The following GRM5 variants were observed in gnomAD, a reference collection of about 807,000 sequenced individuals.
The protein encoded by GRM5 is glutamate metabotropic receptor 5, also known as metabotropic glutamate receptor 5.
In GRM5, 19 loss-of-function variants were observed where a neutral mutation model predicts 83.1. That is an observed-to-expected ratio of 0.23 (90% confidence interval 0.16 to 0.34). The LOEUF is 0.34. Among genes scored for constraint, GRM5 ranks in the 10% least tolerant of loss-of-function variants. GRM5 has a pLI of 1.00. For missense variants in GRM5, 1,160 were observed against 1,588.3 expected (o/e 0.73, Z 4.58); for synonymous variants, 675 against 633.6 (o/e 1.07, Z -0.98).
At chr11:88,589,454 A>G (rs1180272183) in intron 7 of GRM5, among the ~76,000 whole-genome samples, 1 of 152,136 alleles carries the variant, frequency 6.6e-6, no homozygotes, top group Non-Finnish European at 1.5e-5. Context: ...ATACATACCA[A>G]TCACCAAAGA....
chr11:88,776,218 C>T (rs1184647830), intron 3 of GRM5, among the ~76,000 whole-genome samples: 1 of 152,094 alleles, frequency 6.6e-6, no homozygotes, highest in African/African-American at 2.4e-5. Flanking sequence ...CTCCTTTGAT[C>T]TTTGTGGGTT....
At chr11:88,732,573 A>G (rs914114479) in intron 3 of GRM5, among the ~76,000 whole-genome samples, 1 of 152,054 alleles carries the variant, frequency 6.6e-6, no homozygotes, top group African/African-American at 2.4e-5. Context: ...GGACACTTGA[A>G]TTTAGAGAAA....
chr11:88,910,348 T>A lies in GRM5; in HGVS notation c.662-60193A>T, dbSNP rs1317891212. 9.2e-5 allele frequency among the ~76,000 whole-genome samples: 14 copies of A among 152,102 alleles called. No homozygotes were observed. In the South Asian group the frequency reaches 2.9e-3, roughly 31 times the overall value. On this transcript the variant is annotated intron_variant, in intron 2 of 9. Coordinates refer to ENST00000305447, the MANE Select transcript of GRM5 (RefSeq NM_001143831.3). ...GATGAACACCAAGTTTATTTGGCTA[T>A]CATAAGTAATGTTTTTATGAACATT... is the stretch of plus-strand genomic sequence containing the variant.
Position 88,845,879 on chromosome 11 carries a change from A to G in GRM5, c.911+4027T>C, listed in dbSNP as rs759803063. On this transcript the variant is annotated intron_variant, in intron 3 of 9. Transcript: ENST00000305447. ...GAAAATGACTGAATTTGGAATAGAC[A>G]TTCTTGCTACATGTAAAGATAAAGA... Among the ~76,000 whole-genome samples, 79 of 152,248 alleles carry G rather than the reference A, an allele frequency of 5.2e-4. 2 individuals are homozygous for G. Among genetic ancestry groups the G allele is most frequent in the Non-Finnish European group, 8.8e-5 (6 of 68,046 alleles).
rs201996144 is a variant in GRM5 at position 88,902,950 on chromosome 11, CAAAA to C, written c.662-52799_662-52796del. 9.7e-5 allele frequency among the ~76,000 whole-genome samples: 6 copies of C among 61,902 alleles called. No homozygotes were observed. The South Asian group carries it at 2.4e-3, about 25-fold the overall frequency. 40.6% of individuals were successfully genotyped at this position (61,902 alleles called of 152,430 possible). A position where few individuals can be genotyped will look rare whatever the true frequency, so the allele number is the denominator to read the frequency against. ...TGGGCGACAGACCAAGACTCCATCT[CAAAA>C]AAAAAAAAAAAAAAAAAAAAAAAAA... On this transcript the variant is annotated intron_variant, in intron 2 of 9. Coordinates refer to ENST00000305447, the MANE Select transcript of GRM5 (RefSeq NM_001143831.3).
chr11:88,634,410 A>G (rs988303303), intron 4 of GRM5, among the ~76,000 whole-genome samples: 4 of 152,122 alleles, frequency 2.6e-5, no homozygotes, highest in Non-Finnish European at 5.9e-5. Flanking sequence ...CACATTGTAT[A>G]GCTGCACAAA....
At chr11:89,015,064 T>A (rs889057284) in intron 2 of GRM5, among the ~76,000 whole-genome samples, 1 of 152,184 alleles carries the variant, frequency 6.6e-6, no homozygotes, top group Non-Finnish European at 1.5e-5. Context: ...CATGGTTTCA[T>A]TGAAAGAGCA....
chr11:88,524,190 T>TTTTCTTTCTTTCTTTC lies in GRM5; in HGVS notation c.2726+1103_2726+1118dup, dbSNP rs1232518039. 1.9e-3 allele frequency: 212 copies of TTTTCTTTCTTTCTTTC among 112,938 alleles called. 3 individuals are homozygous for TTTTCTTTCTTTCTTTC. The highest frequency in any genetic ancestry group is 9.1e-3 in the South Asian group (36 of 3,960). 7.0% of individuals were successfully genotyped at this position (112,938 alleles called of 1,614,324 possible). A position where few individuals can be genotyped will look rare whatever the true frequency, so the allele number is the denominator to read the frequency against. On this transcript the variant is annotated intron_variant, in intron 9 of 9. Transcript: ENST00000305447. ...AGGGCCCTTTTCTTTTCTTTTTTCT[T>TTTTCTTTCTTTCTTTC]TTTCTTTCTTTCTTTCTTTCTTTCT...
chr11:88,942,257 A>T (rs1305168742), intron 2 of GRM5, among the ~76,000 whole-genome samples: 1 of 152,066 alleles, frequency 6.6e-6, no homozygotes, highest in African/African-American at 2.4e-5. Context: ...ATGTCATGAC[A>T]TTTATAGTGT....
chr11:88,564,056 C>T (rs535569393), intron 8 of GRM5, among the ~76,000 whole-genome samples: 1 of 152,272 alleles, frequency 6.6e-6, no homozygotes, highest in South Asian at 2.1e-4. Context: ...AGAATTATAG[C>T]TTTCCCTGCC....
chr11:88,692,768 C>G (rs1940810633), intron 3 of GRM5, among the ~76,000 whole-genome samples: 1 of 152,218 alleles, frequency 6.6e-6, no homozygotes, highest in South Asian at 2.1e-4. Flanking sequence ...GAAGATGTCA[C>G]AGCTTCAAAC....
intron 4 of GRM5, among the ~76,000 whole-genome samples, chr11:88,615,362 T>C (rs1473965381): frequency 1.3e-5 from 2 of 152,206 alleles, no homozygotes; most frequent in African/African-American, 4.8e-5. Context: ...GTCATTTTGA[T>C]GCTTATGTAT....
chr11:88,769,185 C>A (rs75808497), intron 3 of GRM5, among the ~76,000 whole-genome samples: 6,440 of 152,006 alleles, frequency 0.042, 205 homozygotes, highest in Non-Finnish European at 0.064. Context: ...CCAGGTTTTC[C>A]ACTTCTGGAG....
chr11:88,926,982 T>C (rs1945801067), intron 2 of GRM5, among the ~76,000 whole-genome samples: 1 of 152,202 alleles, frequency 6.6e-6, no homozygotes, highest in Admixed American at 6.6e-5. Flanking sequence ...ATTTACATGT[T>C]TGAACTATTC....
At chr11:88,739,746 T>C (rs576560887) in intron 3 of GRM5, among the ~76,000 whole-genome samples, 1 of 152,192 alleles carries the variant, frequency 6.6e-6, no homozygotes, top group East Asian at 1.9e-4. Flanking sequence ...ACTTACATCA[T>C]GATTGTCGGT....
chr11:88,786,146 A>G (rs1035417771), intron 3 of GRM5, among the ~76,000 whole-genome samples: 4 of 152,162 alleles, frequency 2.6e-5, no homozygotes, highest in East Asian at 3.8e-4. Context: ...GATCTGAGAA[A>G]TAGATGATAA....
At chr11:88,808,978 T>C (rs1401741184) in intron 3 of GRM5, among the ~76,000 whole-genome samples, 2 of 152,088 alleles carry the variant, frequency 1.3e-5, no homozygotes, top group African/African-American at 4.8e-5. Flanking sequence ...TGGGGAAGAA[T>C]AGACAGAATC....
chr11:88,787,133 G>GTA (rs1565230500), intron 3 of GRM5, among the ~76,000 whole-genome samples: 1 of 13,078 alleles, frequency 7.6e-5, no homozygotes, highest in Non-Finnish European at 1.3e-4. Context: ...ATGATATGAT[G>GTA]TGTGTGTGTG....
intron 2 of GRM5, among the ~76,000 whole-genome samples, chr11:88,969,658 C>A (rs1939107305): frequency 6.6e-6 from 1 of 152,034 alleles, no homozygotes; most frequent in African/African-American, 2.4e-5. Flanking sequence ...ATGTTTATAG[C>A]AGTAAGAATT....
Sources: allele counts gnomAD v4.1 joint callset (sites outside exome capture counted in the v4.1 genomes callset), GRCh38; gene constraint gnomAD v4.1.1; transcripts MANE v1.5; gene names NCBI Gene and HGNC (gene_info 2026-07-23, HGNC 2026-07-21).